NAALADL2: variants seen among roughly 807,000 people sequenced by gnomAD.
NAALADL2 encodes the protein N-acetylated alpha-linked acidic dipeptidase like 2.
A neutral mutation model predicts 87.2 loss-of-function variants in NAALADL2; 76 were observed. The observed-to-expected ratio is 0.87, with a 90% CI of 0.72 to 1.05. NAALADL2 has a LOEUF of 1.05. Ranked by LOEUF, NAALADL2 falls within the 50% of genes least tolerant of loss-of-function variation. The pLI is 0.00. For missense variants in NAALADL2, 1,089 were observed against 945.8 expected, an observed-to-expected ratio of 1.15 and a Z score of -1.99; for synonymous variants, 354 against 331.0, an observed-to-expected ratio of 1.07 and a Z score of -0.75.
chr3:175,716,785 A>C (rs542168057), intron 11 of NAALADL2, among the ~76,000 whole-genome samples: 3 of 152,286 alleles, frequency 2.0e-5, no homozygotes, highest in South Asian at 4.1e-4. Context: ...TCAAAAACAG[A>C]TAAGTCATCC....
rs1050394727 is a variant in NAALADL2, at chr3:174,532,264, C to G, written c.-183-18305C>G. On this transcript the variant is annotated intron_variant, in intron 1 of 3. Transcript: ENST00000434257. The stretch of plus-strand genomic sequence containing the variant: ...CTGAGACAGACATGAGCACCTGTAA[C>G]TATTTTTTTAGAGTGTGAAGATCCA... 2.6e-5 allele frequency among the ~76,000 whole-genome samples: 4 copies of G among 152,212 alleles called. No individual in the cohort carries two copies. The East Asian group carries it at 7.7e-4, about 29-fold the overall frequency.
chr3:175,391,477 T>A (rs1769060537), intron 5 of NAALADL2, among the ~76,000 whole-genome samples: 1 of 152,200 alleles, frequency 6.6e-6, no homozygotes, highest in Admixed American at 6.5e-5. Context: ...GAAGCTCATG[T>A]AGCAAGGAAC....
At chr3:174,899,979 ACT>A (rs1170682191) in intron 1 of NAALADL2, among the ~76,000 whole-genome samples, 3 of 151,984 alleles carry the variant, frequency 2.0e-5, no homozygotes, top group Non-Finnish European at 4.4e-5. Flanking sequence ...AATTTAAAAA[ACT>A]CTTATTTTAT....
At chr3:175,573,463 G>A (rs1402986460) in intron 9 of NAALADL2, among the ~76,000 whole-genome samples, 4 of 152,166 alleles carry the variant, frequency 2.6e-5, no homozygotes, top group Non-Finnish European at 4.4e-5. Context: ...GCCCTATTCA[G>A]TAAATCTGAA....
chr3:175,429,246 A>G (rs1030776148), intron 5 of NAALADL2, among the ~76,000 whole-genome samples: 1 of 150,724 alleles, frequency 6.6e-6, no homozygotes, highest in African/African-American at 2.4e-5. Flanking sequence ...GCATTTCTGT[A>G]TTTTTTTAAT....
intron 2 of NAALADL2, among the ~76,000 whole-genome samples, chr3:175,118,893 G>T (rs1356733878): frequency 1.3e-5 from 2 of 151,678 alleles, no homozygotes; most frequent in African/African-American, 4.8e-5. Flanking sequence ...TGCAAAGTAT[G>T]TTGTTAATAT....
At chr3:175,598,497 C>A (rs1279818413) in intron 10 of NAALADL2, among the ~76,000 whole-genome samples, 2 of 151,898 alleles carry the variant, frequency 1.3e-5, no homozygotes, top group Non-Finnish European at 2.9e-5. Flanking sequence ...AGGCCTTTCC[C>A]CTTGTTTCAT....
In NAALADL2 at chr3:175,510,977, G is replaced by A. The variant is rs115484122; in HGVS notation, c.1653+39219G>A. On this transcript the variant is annotated intron_variant, in intron 9 of 13. Transcript: ENST00000454872. ...TTGTTACTATGGTGATGATGTTATC[G>A]GTCCTCTCTATAAAAGAGGTACTGG... Among the ~76,000 whole-genome samples the A allele has an allele frequency of 6.6e-4, 100 of 152,064 alleles. 1 individual carries two copies. The highest frequency in any genetic ancestry group is 2.1e-3 in the African/African-American group (85 of 41,458).
intron 4 of NAALADL2, among the ~76,000 whole-genome samples, chr3:175,277,904 C>G (rs1753806560): frequency 6.6e-6 from 1 of 152,166 alleles, no homozygotes; most frequent in Admixed American, 6.5e-5. Context: ...TTAGACAATG[C>G]TTCCCTGATC....
chr3:175,269,805 A>G (rs1214353095), intron 4 of NAALADL2, among the ~76,000 whole-genome samples: 1 of 152,198 alleles, frequency 6.6e-6, no homozygotes, highest in Non-Finnish European at 1.5e-5. Context: ...TGTGTTTATG[A>G]ATAAATATTT....
intron 2 of NAALADL2, among the ~76,000 whole-genome samples, chr3:174,572,588 A>G (rs1254955010): frequency 6.6e-6 from 1 of 152,202 alleles, no homozygotes; most frequent in Non-Finnish European, 1.5e-5. Context: ...AAAGGATATT[A>G]TTTGTTACAC....
intron 11 of NAALADL2, among the ~76,000 whole-genome samples, chr3:175,631,263 T>C (rs916303868): frequency 1.3e-5 from 2 of 151,810 alleles, no homozygotes; most frequent in Non-Finnish European, 2.9e-5. Flanking sequence ...TTATCGTTTG[T>C]ATAAATTTAT....
intron 13 of NAALADL2, among the ~76,000 whole-genome samples, chr3:175,791,014 TAC>T (rs895127846): frequency 7.9e-5 from 12 of 152,138 alleles, no homozygotes; most frequent in African/African-American, 2.9e-4. Context: ...TGGGAAAAAA[TAC>T]AGACTCAAAT....
intron 11 of NAALADL2, among the ~76,000 whole-genome samples, chr3:175,634,210 T>G (rs1249857708): frequency 6.6e-6 from 1 of 151,992 alleles, no homozygotes; most frequent in Admixed American, 6.6e-5. Context: ...TAATTCCATT[T>G]GGCTGTCAAT....
At chr3:175,158,759 G>A (rs935639186) in intron 2 of NAALADL2, among the ~76,000 whole-genome samples, 1 of 151,854 alleles carries the variant, frequency 6.6e-6, no homozygotes, top group Non-Finnish European at 1.5e-5. Context: ...ATTTCTAATT[G>A]AAAATTAGAA....
intron 11 of NAALADL2, among the ~76,000 whole-genome samples, chr3:175,700,755 T>A (rs1738876224): frequency 6.6e-6 from 1 of 152,142 alleles, no homozygotes; most frequent in South Asian, 2.1e-4. Flanking sequence ...CTTTCTAAAC[T>A]TACCCTGGTT....
intron 11 of NAALADL2, chr3:175,718,374 C>G: frequency 6.3e-7 from 1 of 1,598,176 alleles, no homozygotes; most frequent in Admixed American, 1.7e-5. Context: ...GGGTCCACCA[C>G]TCCATTAGAA....
intron 3 of NAALADL2, among the ~76,000 whole-genome samples, chr3:175,244,637 A>T (rs1301003071): frequency 1.3e-5 from 2 of 152,126 alleles, no homozygotes; most frequent in Non-Finnish European, 2.9e-5. Flanking sequence ...GTCATGTTTT[A>T]CTCCTCAGTA....
At chr3:175,323,038 C>T (rs1284485377) in intron 4 of NAALADL2, among the ~76,000 whole-genome samples, 108 of 149,804 alleles carry the variant, frequency 7.2e-4, no homozygotes, top group Admixed American at 1.6e-3. Context: ...CACATGCACA[C>T]GTATGTTTAT....
Sources: allele counts gnomAD v4.1 joint callset (sites outside exome capture counted in the v4.1 genomes callset), GRCh38; gene constraint gnomAD v4.1.1; transcripts MANE v1.5; gene names NCBI Gene and HGNC (gene_info 2026-07-23, HGNC 2026-07-21).